The following SANBR variants were observed in gnomAD, a reference collection of about 807,000 sequenced individuals.
SANBR encodes the protein SANT and BTB domain regulator of class switch recombination.
SANBR carries 77 observed loss-of-function variants against 101.8 expected under a neutral mutation model. The ratio of observed to expected loss-of-function variants is 0.76; its 90% CI spans 0.63 to 0.91. The LOEUF (loss-of-function observed/expected upper bound fraction) is 0.91, where lower values mean the gene tolerates loss of function less well. Among genes scored for constraint, SANBR ranks in the 40% least tolerant of loss-of-function variants. SANBR has a pLI of 0.00. For synonymous variants in SANBR, 279 were observed against 274.7 expected, an observed-to-expected ratio of 1.02 and a Z score of -0.15; for missense variants, 875 against 853.0, an observed-to-expected ratio of 1.03 and a Z score of -0.32.
intron 20 of SANBR, among the ~76,000 whole-genome samples, chr2:61,132,480 G>A (rs558516438): frequency 2.6e-5 from 4 of 152,234 alleles, no homozygotes; most frequent in East Asian, 1.9e-4. Context: ...TCACTTTAAC[G>A]CTCAGTAGAA....
intron 20 of SANBR, 65 bp downstream of exon 20, chr2:61,118,181 T>C (rs1218000060): frequency 1.9e-5 from 21 of 1,078,060 alleles, no homozygotes; most frequent in Non-Finnish European, 2.6e-5. Flanking sequence ...TATTTTCAGC[T>C]TAGGATTATA....
chr2:61,092,533 A>G lies in SANBR; in HGVS notation c.1158A>G (p.Val386=), dbSNP rs1178046301. The G allele has an allele frequency of 6.2e-7, 1 of 1,607,706 alleles. No individual in the cohort carries two copies. The highest frequency in any genetic ancestry group is 1.3e-5 in the African/African-American group (1 of 74,754). Residue 386 remains valine (V), a synonymous_variant, in exon 11 of 22, where the codon GTA becomes GTG. Coordinates refer to ENST00000402291, the MANE Select transcript of SANBR (RefSeq NM_001129993.3). ...LFEELKSWRD[V]YWRLWGTINW... The stretch of plus-strand genomic sequence containing the variant: ...AAGAATTAAAATCTTGGAGAGATGT[A>G]TACTGGCGATTGTGGGGAACAATCA...
Position 61,071,649 on chromosome 2 carries a change from C to T in SANBR, c.194C>T (p.Pro65Leu), listed in dbSNP as rs1056586736. The part of the protein sequence containing the change: ...FDELKSSGSS[P>L]VDNQYNSLMA... ...GAATTAAAGAGCAGTGGAAGCTCGC[C>T]TGTTGACAACCAGTATAATTCCCTA... Residue 65 changes from proline (P) to leucine (L), a missense_variant, in exon 4 of 22, where the codon CCT becomes CTT. Transcript: ENST00000402291. 1.3e-6 allele frequency: 2 copies of T among 1,582,902 alleles called. No individual in the cohort carries two copies. The highest frequency in any genetic ancestry group is 2.8e-5 in the African/African-American group (2 of 72,486).
At chr2:61,087,440 T>C (rs1682495133) in intron 8 of SANBR, among the ~76,000 whole-genome samples, 1 of 151,656 alleles carries the variant, frequency 6.6e-6, no homozygotes, top group East Asian at 1.9e-4. Flanking sequence ...CACACAGTAG[T>C]CCTAGCTACT....
exon 21 of SANBR, chr2:61,134,218 G>T (rs770030896): frequency 6.2e-7 from 1 of 1,606,566 alleles, no homozygotes; most frequent in Admixed American, 1.7e-5. Flanking sequence ...CTTGATGACA[G>T]TGTTGCTGTG....
At chr2:61,111,514 A>AT (rs1184119854) in intron 16 of SANBR, among the ~76,000 whole-genome samples, 1 of 152,240 alleles carries the variant, frequency 6.6e-6, no homozygotes. Context: ...TTTTGTGTCC[A>AT]TTTTAATTAG....
chr2:61,086,068 A>G (rs1682411543), intron 8 of SANBR, among the ~76,000 whole-genome samples: 1 of 152,206 alleles, frequency 6.6e-6, no homozygotes, highest in Admixed American at 6.5e-5. Context: ...CAATCCATGA[A>G]TATGGTATAA....
In SANBR at chr2:61,076,962, G is replaced by C. The variant is rs1681819265; in HGVS notation, c.474G>C (p.Leu158Phe). 3.1e-6 allele frequency: 5 copies of C among 1,614,090 alleles called. No homozygotes were observed. In the East Asian group the frequency reaches 1.1e-4, roughly 36 times the overall value. ...VIHVCDEAKN[L>F]KEDFTCPRDL... The stretch of plus-strand genomic sequence containing the variant: ...ATGTGTGTGATGAAGCAAAAAACTT[G>C]AAAGAAGATTTTACTTGCCCGCGAG... The change falls in exon 6 of 22, where the codon TTG becomes TTC. Residue 158 changes from leucine (L) to phenylalanine (F), a missense_variant. By Grantham distance (22) the Leu-to-Phe change is conservative. Transcript: ENST00000402291.
intron 1 of SANBR, chr2:61,066,294 C>T (rs1420376279): frequency 1.3e-5 from 2 of 152,698 alleles, no homozygotes; most frequent in Non-Finnish European, 2.9e-5. Flanking sequence ...CCAGCTTCTG[C>T]GCGCCCGGCC....
intron 5 of SANBR, among the ~76,000 whole-genome samples, chr2:61,075,396 C>T (rs561636731): frequency 6.6e-6 from 1 of 152,028 alleles, no homozygotes; most frequent in African/African-American, 2.4e-5. Flanking sequence ...TAGCTGGGAC[C>T]ACGGGCATGC....
At chr2:61,112,801 T>A (rs1683897422) in intron 16 of SANBR, among the ~76,000 whole-genome samples, 1 of 152,196 alleles carries the variant, frequency 6.6e-6, no homozygotes, top group African/African-American at 2.4e-5. Context: ...CCTAATTTTC[T>A]TAATGATGTA....
chr2:61,081,447 T>G lies in SANBR; in HGVS notation c.671-5T>G, dbSNP rs1469316654. 1 of 1,582,212 alleles carries G rather than the reference T, an allele frequency of 6.3e-7. No homozygotes were observed. Among genetic ancestry groups the G allele is most frequent in the Non-Finnish European group, 8.6e-7 (1 of 1,167,030 alleles). ...AAGGGTAATCTAATTTTTTTTTTTTTTTAGAGCCAGGAAATGTCATTTCAA... is the reference window on the plus strand; with the variant it reads ...AAGGGTAATCTAATTTTTTTTTTTTGTTAGAGCCAGGAAATGTCATTTCAA... On this transcript the variant is annotated splice_region_variant and splice_polypyrimidine_tract_variant and intron_variant, in intron 6 of 21. Coordinates refer to ENST00000402291, the MANE Select transcript of SANBR (RefSeq NM_001129993.3).
chr2:61,088,328 G>GGA, intron 9 of SANBR, 30 bp from the exon 10 acceptor site: 2 of 1,567,950 alleles, frequency 1.3e-6, no homozygotes, highest in Non-Finnish European at 1.7e-6. Flanking sequence ...TCTTCTTCCT[G>GGA]GATGTTTTTT....
chr2:61,098,150 G>T (rs1277255645), intron 12 of SANBR, among the ~76,000 whole-genome samples: 1 of 149,014 alleles, frequency 6.7e-6, no homozygotes, highest in Non-Finnish European at 1.5e-5. Context: ...GTTGCCCAGG[G>T]TGGAGTGCAG....
chr2:61,101,273 A>AT (rs1237878177), intron 12 of SANBR, among the ~76,000 whole-genome samples: 1 of 152,196 alleles, frequency 6.6e-6, no homozygotes, highest in East Asian at 1.9e-4. Flanking sequence ...CAGTAACATG[A>AT]TTTTTTAGTC....
exon 22 of SANBR, chr2:61,137,508 A>G (rs1684887060): frequency 6.6e-6 from 1 of 152,276 alleles, no homozygotes; most frequent in Non-Finnish European, 1.5e-5. Flanking sequence ...GGACAGATTT[A>G]CATCGATATA....
At chr2:61,076,080 G>A (rs940113047) in intron 5 of SANBR, among the ~76,000 whole-genome samples, 17 of 151,290 alleles carry the variant, frequency 1.1e-4, no homozygotes, top group South Asian at 4.2e-4. Context: ...TGCAACCTCC[G>A]CCTCCCGAGT....
chr2:61,117,212 G>T (rs1363464650), intron 17 of SANBR, 145 bp from the exon 18 acceptor site: 1 of 745,774 alleles, frequency 1.3e-6, no homozygotes, highest in African/African-American at 1.7e-5. Flanking sequence ...TTTGGTTGGT[G>T]CAAGGTTTAA....
At chr2:61,100,219 G>A (rs761890838) in intron 12 of SANBR, among the ~76,000 whole-genome samples, 18 of 152,018 alleles carry the variant, frequency 1.2e-4, no homozygotes, top group African/African-American at 1.7e-4. Context: ...ATTCTCCTGC[G>A]TCAGCCTCCC....
Sources: gnomAD v4.1 joint callset for allele counts (sites outside exome capture counted in the v4.1 genomes callset) on GRCh38, gnomAD v4.1.1 for gene constraint, MANE v1.5 for transcripts, NCBI Gene and HGNC (gene_info 2026-07-23, HGNC 2026-07-21) for gene names.